Variants in RHOF observed in about 807,000 individuals in gnomAD.
RHOF encodes the protein rho-related GTP-binding protein RhoF.
A neutral mutation model predicts 22.2 loss-of-function variants in RHOF; 21 were observed. The ratio of observed to expected loss-of-function variants is 0.95; its 90% CI spans 0.67 to 1.36. The LOEUF (loss-of-function observed/expected upper bound fraction) is 1.36. Among genes scored for constraint, RHOF ranks in the 40% most tolerant of loss-of-function variants. The pLI, the probability that RHOF is intolerant of heterozygous loss-of-function variation, is 0.00. For missense variants in RHOF, 285 were observed against 293.7 expected (o/e 0.97, Z 0.22); for synonymous variants, 135 against 131.2 (o/e 1.03, Z -0.20).
At chr12:121,780,715 G>A (rs1874419046) in intron 4 of RHOF, 157 bp downstream of exon 4, 1 of 835,330 alleles carries the variant, frequency 1.2e-6, no homozygotes, top group East Asian at 2.7e-5. Flanking sequence ...AAGTGCTCAG[G>A]TCCACAGGCC....
At chr12:121,788,230 C>T (rs1017031232) in intron 2 of RHOF, among the ~76,000 whole-genome samples, 15 of 152,274 alleles carry the variant, frequency 9.9e-5, no homozygotes, top group African/African-American at 3.4e-4. Context: ...TTGTAAATAA[C>T]AGAGGACCTT....
chr12:121,792,713 T>C (rs1204375890), intron 2 of RHOF, among the ~76,000 whole-genome samples: 2 of 152,202 alleles, frequency 1.3e-5, no homozygotes, highest in African/African-American at 2.4e-5. Flanking sequence ...CACAGGCTGA[T>C]CTGCAGCCGG....
Position 121,779,663 on chromosome 12 carries a change from C to T in RHOF, c.472-1G>A. ...GGATCTGTTCGCAGGCGCTCAGGCC[C>T]TGGGTGGGGGGAGGAGCCAGCATTA... On this transcript the variant is annotated splice_acceptor_variant, in intron 4 of 4. Transcript: ENST00000267205. LOFTEE classifies it high-confidence loss of function. The T allele has an allele frequency of 6.2e-7, 1 of 1,613,782 alleles. No individual in the cohort carries two copies. Among genetic ancestry groups the T allele is most frequent in the Non-Finnish European group, 8.5e-7 (1 of 1,179,824 alleles).
Position 121,793,052 on chromosome 12 carries a change from C to G in RHOF, c.226+100G>C, listed in dbSNP as rs553464063. The G allele has an allele frequency of 4.1e-5, 43 of 1,059,016 alleles. No homozygotes were observed. In the African/African-American group the frequency reaches 6.4e-4, roughly 16 times the overall value. The allele number at this position is 1,059,016 out of a possible 1,614,324, so 65.6% of individuals were successfully genotyped here. A position where few individuals can be genotyped will look rare whatever the true frequency, so the allele number is the denominator to read the frequency against. On this transcript the variant is annotated intron_variant, in intron 2 of 4. Transcript: ENST00000267205. ...GAGTGAAGAGCCGGCCAAGGCCCTG[C>G]CAAGGCTGCAGGGCGGGGACACCCA...
rs191815838 is a variant in RHOF, at chr12:121,779,537, C to G, written c.597G>C (p.Ala199=). Residue 199 remains alanine (A), a synonymous_variant, in exon 5 of 5, where the codon GCG becomes GCC. Coordinates refer to ENST00000267205, the MANE Select transcript of RHOF (RefSeq NM_019034.3). ...AGAGCCGGCGCTTCTTCTGCCGTTG[C>G]GCCTTCTTCAGAGCGCTGAGAGCCA... ...AKVALSALKK[A]QRQKKRRLCL... 1 of 1,613,022 alleles carries G rather than the reference C, an allele frequency of 6.2e-7. No homozygotes were observed. The highest frequency in any genetic ancestry group is 1.7e-5 in the Admixed American group (1 of 60,022).
intron 4 of RHOF, chr12:121,780,539 A>G (rs978661207): frequency 8.7e-6 from 4 of 461,960 alleles, no homozygotes; most frequent in Non-Finnish European, 1.5e-5. Context: ...CATAGCACAG[A>G]CTTTGGATTG....
intron 2 of RHOF, among the ~76,000 whole-genome samples, chr12:121,786,552 C>T (rs540885576): frequency 6.6e-6 from 1 of 152,204 alleles, no homozygotes; most frequent in Non-Finnish European, 1.5e-5. Flanking sequence ...GGCCTCTGCC[C>T]TTGCTGTTCA....
At chr12:121,793,260 T>C (rs1359647373) in intron 1 of RHOF, 21 bp from the exon 2 acceptor site, 3 of 1,549,342 alleles carry the variant, frequency 1.9e-6, no homozygotes, top group Non-Finnish European at 1.7e-6. Flanking sequence ...GGGGGTCGGG[T>C]TGGTCCTTAG....
chr12:121,782,202 C>T (rs1215572902), intron 2 of RHOF: 2 of 151,968 alleles, frequency 1.3e-5, no homozygotes, highest in East Asian at 3.9e-4. Context: ...AGCTCAGCGC[C>T]TATCTGCTGA....
At chr12:121,783,546 G>C (rs1042940426) in intron 2 of RHOF, among the ~76,000 whole-genome samples, 2 of 151,946 alleles carry the variant, frequency 1.3e-5, no homozygotes, top group African/African-American at 4.8e-5. Context: ...GCAATGGCGC[G>C]ATCTCGGCTC....
At chr12:121,789,828 A>G (rs982280214) in intron 2 of RHOF, among the ~76,000 whole-genome samples, 2 of 151,932 alleles carry the variant, frequency 1.3e-5, no homozygotes, top group African/African-American at 4.8e-5. Context: ...TTCCCATCTC[A>G]GGCTGAAAAG....
chr12:121,783,275 C>A, intron 2 of RHOF, among the ~76,000 whole-genome samples: 1 of 151,298 alleles, frequency 6.6e-6, no homozygotes, highest in Non-Finnish European at 1.5e-5. Flanking sequence ...CATATCCTGG[C>A]CCCCTCTCCA....
intron 2 of RHOF, among the ~76,000 whole-genome samples, chr12:121,792,895 A>G (rs1874798926): frequency 6.6e-6 from 1 of 152,228 alleles, no homozygotes; most frequent in African/African-American, 2.4e-5. Context: ...CAGGAGAGGA[A>G]CGAGCTGTGG....
At chr12:121,780,597 C>T in intron 4 of RHOF, 1 of 539,250 alleles carries the variant, frequency 1.9e-6, no homozygotes, top group Admixed American at 3.7e-5. Context: ...AGCTGTGTGG[C>T]CCTGGGCAAG....
chr12:121,779,711 C>A (rs745579126), intron 4 of RHOF, 49 bp from the exon 5 acceptor site: 8 of 1,598,190 alleles, frequency 5.0e-6, no homozygotes, highest in Non-Finnish European at 6.8e-6. Context: ...CTGGAGGTCT[C>A]CTAGCACCAC....
Position 121,779,111 on chromosome 12 carries a change from T to C in RHOF, c.*387A>G, listed in dbSNP as rs1874345426. On this transcript the variant is annotated 3_prime_UTR_variant, in exon 5 of 5. Transcript: ENST00000267205. ...GCCCAGGGAGGCAGGGACACAGGAG[T>C]GGCAGGCTTGGGGCGCCCGCGTGGA... is the stretch of plus-strand genomic sequence containing the variant. The C allele has an allele frequency of 5.2e-6, 1 of 191,564 alleles. No individual in the cohort carries two copies. Among genetic ancestry groups the C allele is most frequent in the Admixed American group, 5.3e-5 (1 of 18,866 alleles). 11.9% of individuals were successfully genotyped at this position (191,564 alleles called of 1,614,324 possible). A position where few individuals can be genotyped will look rare whatever the true frequency, so the allele number is the denominator to read the frequency against.
intron 2 of RHOF, among the ~76,000 whole-genome samples, chr12:121,789,333 A>G (rs1229954149): frequency 1.3e-5 from 2 of 152,052 alleles, no homozygotes; most frequent in African/African-American, 4.8e-5. Flanking sequence ...AGAGCCGCCC[A>G]TCGTCCTGAC....
At chr12:121,785,422 C>CTTTTTTTTTTTTTTTTTT (rs758984066) in intron 2 of RHOF, among the ~76,000 whole-genome samples, 1 of 86,158 alleles carries the variant, frequency 1.2e-5, no homozygotes, top group Non-Finnish European at 2.4e-5. Context: ...TTTTTCTTTA[C>CTTTTTTTTTTTTTTTTTT]TTTTTTTTTT....
At chr12:121,783,972 G>A (rs1020013388) in intron 2 of RHOF, among the ~76,000 whole-genome samples, 18 of 152,022 alleles carry the variant, frequency 1.2e-4, no homozygotes, top group Middle Eastern at 3.4e-3. Flanking sequence ...TGCCACACCC[G>A]CTTGCTCACT....
Sources: gnomAD v4.1 joint callset for allele counts (sites outside exome capture counted in the v4.1 genomes callset) on GRCh38, gnomAD v4.1.1 for gene constraint, MANE v1.5 for transcripts, NCBI Gene and HGNC (gene_info 2026-07-23, HGNC 2026-07-21) for gene names.